Variants in GALNT1 observed in about 807,000 individuals in gnomAD.
GALNT1 encodes GalNAc transferase 1.
In GALNT1, 17 loss-of-function variants were observed where a neutral mutation model predicts 65.7. The ratio of observed to expected loss-of-function variants is 0.26; its 90% confidence interval spans 0.18 to 0.39. The LOEUF is 0.39. Among genes scored for constraint, GALNT1 ranks in the 10% least tolerant of loss-of-function variants. The pLI is 1.00. For missense variants in GALNT1, 460 were observed against 672.8 expected (o/e 0.68, Z 3.50); for synonymous variants, 210 against 219.7 (o/e 0.96, Z 0.39).
chr18:35,675,162 G>A (rs1381108177), intron 3 of GALNT1, among the ~76,000 whole-genome samples: 1 of 152,006 alleles, frequency 6.6e-6, no homozygotes, highest in South Asian at 2.1e-4. Flanking sequence ...AAACACAAAA[G>A]GACAGGTGGT....
At chr18:35,610,007 C>T (rs1470812643) in intron 1 of GALNT1, among the ~76,000 whole-genome samples, 2 of 152,052 alleles carry the variant, frequency 1.3e-5, no homozygotes, top group Non-Finnish European at 2.9e-5. Context: ...TTTATTATGC[C>T]TGGAACCATG....
intron 9 of GALNT1, among the ~76,000 whole-genome samples, chr18:35,697,750 C>G (rs2048082910): frequency 6.6e-6 from 1 of 152,194 alleles, no homozygotes; most frequent in Non-Finnish European, 1.5e-5. Flanking sequence ...GTAAGTCAGA[C>G]ACTGCTGTGA....
At chr18:35,698,992 T>TA (rs1331123300) in intron 9 of GALNT1, among the ~76,000 whole-genome samples, 1 of 151,664 alleles carries the variant, frequency 6.6e-6, no homozygotes, top group African/African-American at 2.4e-5. Flanking sequence ...AAAAATAAAA[T>TA]AAATAAAATA....
At chr18:35,611,262 C>G (rs1454691564) in intron 1 of GALNT1, among the ~76,000 whole-genome samples, 1 of 152,084 alleles carries the variant, frequency 6.6e-6, no homozygotes, top group African/African-American at 2.4e-5. Flanking sequence ...GCCATGCTTT[C>G]ACTTTTTTTC....
intron 11 of GALNT1, among the ~76,000 whole-genome samples, chr18:35,704,153 C>T (rs1190732917): frequency 1.3e-5 from 2 of 152,166 alleles, no homozygotes; most frequent in Non-Finnish European, 2.9e-5. Context: ...TCAATTAAAG[C>T]ATCCGTGGTA....
At chr18:35,645,549 A>G (rs930352056) in intron 1 of GALNT1, among the ~76,000 whole-genome samples, 3 of 152,080 alleles carry the variant, frequency 2.0e-5, no homozygotes, top group African/African-American at 7.2e-5. Flanking sequence ...TATATATTCT[A>G]AATAGTTATA....
rs769139 is a variant in GALNT1 at position 35,648,240 on chromosome 18, A to C, written c.-103-6320A>C. The stretch of plus-strand genomic sequence containing the variant: ...CTTTGTGAGAGTGTAAAACCATCAC[A>C]ATTTATGTGTAAGTATGGTATTCAG... On this transcript the variant is annotated intron_variant, in intron 1 of 11. Transcript: ENST00000269195. Among the ~76,000 whole-genome samples, 1,401 of 152,328 alleles carry C rather than the reference A, an allele frequency of 9.2e-3. 9 individuals carry two copies. The highest frequency in any genetic ancestry group is 0.015 in the Admixed American group (230 of 15,296).
chr18:35,635,944 CTTTTTTACAGAA>C (rs1183449068), intron 1 of GALNT1, among the ~76,000 whole-genome samples: 1 of 151,966 alleles, frequency 6.6e-6, no homozygotes, highest in African/African-American at 2.4e-5. Context: ...CAATGGGATC[CTTTTTTACAGAA>C]TTTGCAGAAT....
chr18:35,629,994 CAAG>C (rs1413126376), intron 1 of GALNT1, among the ~76,000 whole-genome samples: 3 of 152,122 alleles, frequency 2.0e-5, no homozygotes, highest in Non-Finnish European at 4.4e-5. Context: ...ATCAATTCAA[CAAG>C]AAGAGCTATC....
chr18:35,604,274 A>C (rs1286415000), intron 1 of GALNT1, among the ~76,000 whole-genome samples: 3 of 152,036 alleles, frequency 2.0e-5, no homozygotes, highest in Non-Finnish European at 4.4e-5. Context: ...GCTGCGTGGT[A>C]CTCCATGGTG....
intron 3 of GALNT1, chr18:35,664,587 G>T (rs534777624): frequency 6.6e-6 from 1 of 152,276 alleles, no homozygotes; most frequent in Admixed American, 6.5e-5. Flanking sequence ...AATAGGTTAT[G>T]CATTTATATA....
rs199704900 is a variant in GALNT1, at chr18:35,692,164, A to G, written c.1160-17A>G. ...AAACAACACTAATAATTCAGAGTCA[A>G]TTATTTCTTTCAACAGGTGTTACAA... On this transcript the variant is annotated splice_polypyrimidine_tract_variant and intron_variant, in intron 8 of 11. Coordinates refer to ENST00000269195, the MANE Select transcript of GALNT1 (RefSeq NM_020474.4). 40 of 1,598,750 alleles carry G rather than the reference A, an allele frequency of 2.5e-5. 1 individual carries two copies. Among genetic ancestry groups the G allele is most frequent in the Middle Eastern group, 1.7e-4 (1 of 6,040 alleles).
chr18:35,667,308 G>T (rs1478767589), intron 3 of GALNT1, among the ~76,000 whole-genome samples: 1 of 152,098 alleles, frequency 6.6e-6, no homozygotes, highest in East Asian at 1.9e-4. Flanking sequence ...GACACAATAG[G>T]TGCAGCCCTA....
At position 35,651,751 on chromosome 18, in the gene GALNT1, G is replaced by A. The variant is rs115021505; in HGVS notation, c.-103-2809G>A. ...ACTTTACAATAATGGTGGCAATAAA[G>A]GTAGCAATTCTTTCATTAAATACAT... On this transcript the variant is annotated intron_variant, in intron 1 of 11. Coordinates refer to ENST00000269195, the MANE Select transcript of GALNT1 (RefSeq NM_020474.4). Among the ~76,000 whole-genome samples, 807 of 152,178 alleles carry A rather than the reference G, an allele frequency of 5.3e-3. 10 individuals carry two copies. Among genetic ancestry groups the A allele is most frequent in the African/African-American group, 0.018 (766 of 41,520 alleles).
intron 1 of GALNT1, among the ~76,000 whole-genome samples, chr18:35,598,336 A>G (rs972704810): frequency 1.3e-5 from 2 of 151,778 alleles, no homozygotes; most frequent in Non-Finnish European, 2.9e-5. Context: ...TGCCTGGACA[A>G]TCTAACTGTA....
chr18:35,593,396 A>T (rs994809394), intron 1 of GALNT1, among the ~76,000 whole-genome samples: 3 of 152,160 alleles, frequency 2.0e-5, no homozygotes, highest in African/African-American at 7.2e-5. Context: ...CCATTCCCTG[A>T]GGAAGTATTT....
rs921153694 is a variant in GALNT1 at position 35,686,215 on chromosome 18, C to T, written c.690-801C>T. 3.9e-5 allele frequency among the ~76,000 whole-genome samples: 6 copies of T among 152,020 alleles called. No individual in the cohort carries two copies. In the East Asian group the frequency reaches 7.7e-4, roughly 20 times the overall value. On this transcript the variant is annotated intron_variant, in intron 5 of 11. Coordinates refer to ENST00000269195, the MANE Select transcript of GALNT1 (RefSeq NM_020474.4). ...TTATCAAAAGATTTACTGAAATTCA[C>T]GAAAAAATCTTGAGAGAGAAATGGA...
Position 35,654,789 on chromosome 18 carries a change from C to T in GALNT1, c.127C>T (p.Pro43Ser). Residue 43 changes from proline to serine, a missense_variant, in exon 2 of 12, where the codon CCT (proline) becomes TCT (serine). Coordinates refer to ENST00000269195, the MANE Select transcript of GALNT1 (RefSeq NM_020474.4). ...KCDEKKERGLPAGDVLEPVQK... is the reference protein window; with the variant it reads ...KCDEKKERGLSAGDVLEPVQK... ...TGATGAAAAAAAGGAGAGAGGACTTCCTGCTGGAGATGGTGAGTGACATTT... is the reference window on the plus strand; with the variant it reads ...TGATGAAAAAAAGGAGAGAGGACTTTCTGCTGGAGATGGTGAGTGACATTT... The T allele has an allele frequency of 1.3e-6, 2 of 1,552,812 alleles. No individual in the cohort carries two copies. The highest frequency in any genetic ancestry group is 1.2e-5 in the South Asian group (1 of 81,274).
chr18:35,585,831 A>G (rs1056685184), intron 1 of GALNT1, among the ~76,000 whole-genome samples: 1 of 152,204 alleles, frequency 6.6e-6, no homozygotes, highest in East Asian at 1.9e-4. Context: ...GTAATATTCC[A>G]TAGTATGAAT....
Sources: gnomAD v4.1 joint callset for allele counts (sites outside exome capture counted in the v4.1 genomes callset) on GRCh38, gnomAD v4.1.1 for gene constraint, MANE v1.5 for transcripts, NCBI Gene and HGNC (gene_info 2026-07-23, HGNC 2026-07-21) for gene names.